The following POLR1A variants were observed in gnomAD, a reference collection of about 807,000 sequenced individuals.
POLR1A encodes the protein DNA-directed RNA polymerase I subunit RPA1.
Under a neutral mutation model 205.3 loss-of-function variants are expected in POLR1A, and 84 were observed. That is an observed-to-expected ratio of 0.41 (90% CI 0.34 to 0.49). POLR1A has a LOEUF of 0.49. POLR1A is among the 20% of genes least tolerant of loss of function. POLR1A has a pLI of 0.22. For missense variants in POLR1A, 1,645 were observed against 2,204.5 expected (o/e 0.75, Z 5.08); for synonymous variants, 799 against 863.7 (o/e 0.93, Z 1.31).
Position 86,070,134 on chromosome 2 carries a change from C to CATGCCA in POLR1A, c.1749_1750insTGGCAT (p.Lys583_Ala584insTrpHis). The CATGCCA allele has an allele frequency of 6.2e-7, 1 of 1,614,236 alleles. No homozygotes were observed. The highest frequency in any genetic ancestry group is 8.5e-7 in the Non-Finnish European group (1 of 1,180,046). On this transcript the variant is annotated inframe_insertion, in exon 13 of 34. Transcript: ENST00000263857. The surrounding 1 kb of genome is among the most constrained non-coding windows in gnomAD (Gnocchi z 4.4). Reference sequence around the variant, plus strand: ...TCTCCATCAAAGTCGGCATTATAGGCCTTGCAGTTGGCATAGTGGAGCCGC... The same window carrying CATGCCA: ...TCTCCATCAAAGTCGGCATTATAGGCATGCCACTTGCAGTTGGCATAGTGGAGCCGC...
Position 86,088,618 on chromosome 2 carries a change from C to T in POLR1A, c.678G>A (p.Thr226=), listed in dbSNP as rs2288120. ...RKEHNSKLTI[T]FPAMVHRTAG... ...CTGTCCTGTGCACCATGGCTGGAAA[C>T]GTGATAGTCAACTTGCTGTTGTGTT... is the stretch of plus-strand genomic sequence containing the variant. Residue 226 remains threonine (T), a synonymous_variant, in exon 6 of 34, where the codon ACG becomes ACA. Coordinates refer to ENST00000263857, the MANE Select transcript of POLR1A (RefSeq NM_015425.6). 1,312,413 of 1,613,710 alleles carry T rather than the reference C, an allele frequency of 0.81. 543,080 individuals are homozygous for T. Among genetic ancestry groups the T allele is most frequent in the Non-Finnish European group, 0.84 (994,701 of 1,179,714 alleles).
chr2:86,071,264 A>G (rs1673177094), intron 12 of POLR1A, among the ~76,000 whole-genome samples: 1 of 138,806 alleles, frequency 7.2e-6, no homozygotes, highest in African/African-American at 2.8e-5. Flanking sequence ...GTGTGTGTCT[A>G]TGGGAAAGGG....
intron 13 of POLR1A, among the ~76,000 whole-genome samples, chr2:86,068,910 A>G (rs962089002): frequency 6.6e-6 from 1 of 152,240 alleles, no homozygotes; most frequent in Admixed American, 6.5e-5. Context: ...GCTGATTGAC[A>G]CTAGGCATCT....
chr2:86,081,551 T>G, intron 8 of POLR1A, 50 bp downstream of exon 8: 1 of 1,205,688 alleles, frequency 8.3e-7, no homozygotes, highest in Non-Finnish European at 1.2e-6. Flanking sequence ...ACATTTCAGT[T>G]CCTTAGTACG....
At chr2:86,079,213 G>A (rs1237494392) in intron 9 of POLR1A, among the ~76,000 whole-genome samples, 2 of 152,238 alleles carry the variant, frequency 1.3e-5, no homozygotes, top group Admixed American at 1.3e-4. Flanking sequence ...GAAAATAGAT[G>A]TATTCTACAT....
At chr2:86,043,537 G>A (rs1026480342) in intron 22 of POLR1A, among the ~76,000 whole-genome samples, 1 of 152,172 alleles carries the variant, frequency 6.6e-6, no homozygotes, top group South Asian at 2.1e-4. Context: ...ATAGGAACCA[G>A]GATGGAAAGG....
In POLR1A at chr2:86,096,110, T is replaced by C. The variant is rs115239597; in HGVS notation, c.432+2501A>G. 7.2e-3 allele frequency among the ~76,000 whole-genome samples: 1,090 copies of C among 151,598 alleles called. 15 individuals carry two copies. Among genetic ancestry groups the C allele is most frequent in the African/African-American group, 0.025 (1,014 of 41,308 alleles). On this transcript the variant is annotated intron_variant, in intron 3 of 33. Coordinates refer to ENST00000263857, the MANE Select transcript of POLR1A (RefSeq NM_015425.6). ...AAACAAACTCAGTAAAGTTGCAGGA[T>C]AAAAAAAATCAGTAGCACTTTTATA...
rs1672690756 is a variant in POLR1A at position 86,045,283 on chromosome 2, G to C, written c.2964C>G (p.Leu988=). ...TAVKTSRSGY[L]QRCIIKHLEG... is the part of the protein sequence containing the mutation. ...GCACGGCAGATACATTTTACCTTTGGAGATAGCCTGAGCGGCTGGTTTTCA... is the reference window on the plus strand; with the variant it reads ...GCACGGCAGATACATTTTACCTTTGCAGATAGCCTGAGCGGCTGGTTTTCA... Residue 988 remains leucine (L), a synonymous_variant, in exon 21 of 34, where the codon CTC becomes CTG. Transcript: ENST00000263857. 6.2e-7 allele frequency: 1 copy of C among 1,609,432 alleles called. No homozygotes were observed.
At chr2:86,076,295 C>T (rs1673281918) in intron 11 of POLR1A, among the ~76,000 whole-genome samples, 1 of 152,224 alleles carries the variant, frequency 6.6e-6, no homozygotes, top group Non-Finnish European at 1.5e-5. Context: ...TCAGAAGGCT[C>T]CTGGGGCTAC....
At chr2:86,094,724 T>C (rs1348078739) in intron 3 of POLR1A, among the ~76,000 whole-genome samples, 1 of 152,230 alleles carries the variant, frequency 6.6e-6, no homozygotes, top group Non-Finnish European at 1.5e-5. Flanking sequence ...TCTTCTCTGA[T>C]AGTTAAAACC....
intron 21 of POLR1A, 126 bp from the exon 22 acceptor site, chr2:86,044,430 CA>C (rs1173240294): frequency 1.0e-6 from 1 of 980,434 alleles, no homozygotes; most frequent in East Asian, 2.5e-5. Flanking sequence ...AACAAGACTT[CA>C]GAACAGGCTA....
In POLR1A at chr2:86,035,944, A is replaced by T. The variant is rs1672485517; in HGVS notation, c.4035-2157T>A. 2.0e-5 allele frequency among the ~76,000 whole-genome samples: 3 copies of T among 152,198 alleles called. No homozygotes were observed. In the South Asian group the frequency reaches 6.2e-4, roughly 31 times the overall value. The stretch of plus-strand genomic sequence containing the variant: ...GTGGTAGGCATGTGACCAGTGTGCC[A>T]GTTTTCCTGGAGGTGCAATTTGCCC... On this transcript the variant is annotated intron_variant, in intron 27 of 33. Coordinates refer to ENST00000263857, the MANE Select transcript of POLR1A (RefSeq NM_015425.6).
intron 9 of POLR1A, among the ~76,000 whole-genome samples, chr2:86,079,975 G>C (rs1673368856): frequency 6.6e-6 from 1 of 152,160 alleles, no homozygotes; most frequent in Admixed American, 6.6e-5. Flanking sequence ...TTTACACTAA[G>C]GAGTTTTTAA....
chr2:86,035,269 C>G (rs570798203), intron 27 of POLR1A, among the ~76,000 whole-genome samples: 184 of 152,292 alleles, frequency 1.2e-3, no homozygotes, highest in Admixed American at 2.0e-3. Context: ...GCTTGTTTAC[C>G]AGGCACTGGG....
intron 1 of POLR1A, among the ~76,000 whole-genome samples, chr2:86,102,157 T>C (rs192995598): frequency 4.6e-5 from 7 of 152,330 alleles, no homozygotes; most frequent in Admixed American, 4.6e-4. Flanking sequence ...CATCCAGAAG[T>C]AGAATTGCTG....
intron 14 of POLR1A, among the ~76,000 whole-genome samples, chr2:86,062,277 T>C (rs897770446): frequency 1.3e-5 from 2 of 152,180 alleles, no homozygotes; most frequent in Non-Finnish European, 2.9e-5. Context: ...ATGAAAAACT[T>C]CACCCATGAC....
intron 14 of POLR1A, among the ~76,000 whole-genome samples, chr2:86,063,282 C>T (rs1317089268): frequency 7.7e-6 from 1 of 129,380 alleles, no homozygotes; most frequent in Non-Finnish European, 1.5e-5. Context: ...TTGCGGTGAG[C>T]CAGGATCACA....
At chr2:86,030,116 G>C (rs887619882) in intron 31 of POLR1A, 80 bp downstream of exon 31, 20 of 1,161,010 alleles carry the variant, frequency 1.7e-5, no homozygotes, top group Non-Finnish European at 2.4e-5. Flanking sequence ...CGTAGAGCGA[G>C]CCTCCCAGTG....
chr2:86,095,089 CT>C (rs1005670908), intron 3 of POLR1A, among the ~76,000 whole-genome samples: 2 of 152,244 alleles, frequency 1.3e-5, no homozygotes, highest in Non-Finnish European at 2.9e-5. Flanking sequence ...CAGGGATCCC[CT>C]CTCACTCTGC....
Sources: gnomAD v4.1 joint callset for allele counts (sites outside exome capture counted in the v4.1 genomes callset) on GRCh38, gnomAD v4.1.1 for gene constraint, Gnocchi (gnomAD v3.1) non-coding constraint, MANE v1.5 for transcripts, NCBI Gene and HGNC (gene_info 2026-07-23, HGNC 2026-07-21) for gene names.